The following TRIO variants were observed in gnomAD, a reference collection of about 807,000 sequenced individuals.
The protein encoded by TRIO is triple functional domain protein.
TRIO carries 58 observed loss-of-function variants against 351.9 expected under a neutral mutation model. The observed-to-expected ratio is 0.16, with a 90% CI of 0.13 to 0.21. The LOEUF (loss-of-function observed/expected upper bound fraction) is 0.21, where lower values mean the gene tolerates loss of function less well. Among genes scored for constraint, TRIO ranks in the 10% least tolerant of loss-of-function variants. The pLI is 1.00. For synonymous variants in TRIO, 1,758 were observed against 1,595.7 expected (o/e 1.10, Z -2.42); for missense variants, 3,201 against 4,027.8 (o/e 0.79, Z 5.56).
At position 14,508,210 on chromosome 5, in the gene TRIO, T is replaced by G; in HGVS notation, c.9082T>G (p.Cys3028Gly). ...GVSQKAKEFVCFLLQEDPAKR... is the reference protein window; with the variant it reads ...GVSQKAKEFVGFLLQEDPAKR... ...GAGCCAGAAGGCCAAGGAGTTCGTG[T>G]GCTTCCTCCTGCAGGAGGACCCCGC... Residue 3028 changes from cysteine (C) to glycine (G), a missense_variant, in exon 57 of 57, where the codon TGC becomes GGC. By Grantham distance (159) the Cys-to-Gly change is radical. Transcript: ENST00000344204. 1 of 1,614,094 alleles carries G rather than the reference T, an allele frequency of 6.2e-7. No individual in the cohort carries two copies. The highest frequency in any genetic ancestry group is 8.5e-7 in the Non-Finnish European group (1 of 1,180,026).
At chr5:14,493,624 T>C (rs1756658975) in intron 49 of TRIO, among the ~76,000 whole-genome samples, 3 of 152,100 alleles carry the variant, frequency 2.0e-5, no homozygotes, top group African/African-American at 7.2e-5. Flanking sequence ...CACAACAATA[T>C]CGAAATTAGA....
rs554619292 is a variant in TRIO at position 14,496,993 on chromosome 5, A to G, written c.7995A>G (p.Gly2665=). The G allele has an allele frequency of 4.1e-5, 66 of 1,614,226 alleles. 1 individual carries two copies. In the South Asian group the frequency reaches 6.8e-4, roughly 17 times the overall value. ...ACGGTTATCGGAAGTCACGGGAAGG[A>G]CTCAGCAACAAGGTATCTGTGAAGG... ...LENGYRKSRE[G]LSNKVSVKLL... Residue 2665 remains glycine, a synonymous_variant, in exon 50 of 57, where the codon GGA becomes GGG. Transcript: ENST00000344204.
chr5:14,405,265 C>T (rs1748601483), intron 31 of TRIO, among the ~76,000 whole-genome samples: 1 of 152,170 alleles, frequency 6.6e-6, no homozygotes, highest in Non-Finnish European at 1.5e-5. Flanking sequence ...GGGCACATTT[C>T]TTCTGTCCAC....
At chr5:14,459,546 T>G (rs1323589731) in intron 34 of TRIO, among the ~76,000 whole-genome samples, 1 of 152,196 alleles carries the variant, frequency 6.6e-6, no homozygotes, top group Non-Finnish European at 1.5e-5. Context: ...ATGGATTGGC[T>G]GAGTGTCTGC....
chr5:14,256,858 A>G (rs1795047472), intron 1 of TRIO, among the ~76,000 whole-genome samples: 1 of 152,192 alleles, frequency 6.6e-6, no homozygotes, highest in African/African-American at 2.4e-5. Flanking sequence ...TGGCTTTTGC[A>G]AGAATAAAGA....
chr5:14,284,565 C>T (rs898532043), intron 3 of TRIO, among the ~76,000 whole-genome samples: 2 of 152,160 alleles, frequency 1.3e-5, no homozygotes, highest in African/African-American at 4.8e-5. Context: ...GCAAGCTCAG[C>T]GTAGCTTTTG....
At chr5:14,224,004 T>C (rs893231250) in intron 1 of TRIO, among the ~76,000 whole-genome samples, 4 of 152,126 alleles carry the variant, frequency 2.6e-5, no homozygotes, top group African/African-American at 9.7e-5. Context: ...GGCCTGAAAA[T>C]AGTATTAATA....
chr5:14,408,325 T>A (rs1046359354), intron 33 of TRIO, among the ~76,000 whole-genome samples: 1 of 152,210 alleles, frequency 6.6e-6, no homozygotes, highest in Non-Finnish European at 1.5e-5. Context: ...TTTAAGTGAT[T>A]AGATTTTTTT....
intron 1 of TRIO, among the ~76,000 whole-genome samples, chr5:14,197,764 C>T (rs1344236994): frequency 6.6e-6 from 1 of 152,200 alleles, no homozygotes; most frequent in Non-Finnish European, 1.5e-5. Flanking sequence ...TCTTCAAGCC[C>T]TGATTCTCAC....
intron 33 of TRIO, among the ~76,000 whole-genome samples, chr5:14,418,255 C>T (rs1749810124): frequency 6.6e-6 from 1 of 152,002 alleles, no homozygotes; most frequent in South Asian, 2.1e-4. Context: ...CTGGGGGGGA[C>T]CTTTGCCTCC....
chr5:14,249,178 A>G (rs1225529713), intron 1 of TRIO, among the ~76,000 whole-genome samples: 1 of 152,264 alleles, frequency 6.6e-6, no homozygotes, highest in Non-Finnish European at 1.5e-5. Flanking sequence ...GAAATGTACA[A>G]GAGAAATAGA....
Position 14,498,074 on chromosome 5 carries a change from T to C in TRIO, c.8048-15T>C. ...CCAGGGCTGATGGGCCTTTACCGAC[T>C]CCTTTCCCATGCAGTTCCCCCAGAA... On this transcript the variant is annotated splice_polypyrimidine_tract_variant and intron_variant, in intron 51 of 56. Coordinates refer to ENST00000344204, the MANE Select transcript of TRIO (RefSeq NM_007118.4). 2 of 1,614,090 alleles carry C rather than the reference T, an allele frequency of 1.2e-6. No individual in the cohort carries two copies. Among genetic ancestry groups the C allele is most frequent in the Non-Finnish European group, 1.7e-6 (2 of 1,180,004 alleles).
rs2278693 is a variant in TRIO at position 14,461,318 on chromosome 5, C to T, written c.5496+7C>T. 1.7e-4 allele frequency: 263 copies of T among 1,547,316 alleles called. 1 individual carries two copies. In the East Asian group the frequency reaches 6.0e-3, roughly 36 times the overall value. On this transcript the variant is annotated splice_region_variant and intron_variant, in intron 35 of 56. Coordinates refer to ENST00000344204, the MANE Select transcript of TRIO (RefSeq NM_007118.4). The stretch of plus-strand genomic sequence containing the variant: ...GGACGAGACGGTCGAGGAGGTGAGG[C>T]TCTGCCCGCTGGTTGGGGCCGGCGT...
At chr5:14,164,221 TA>T (rs1186532744) in intron 1 of TRIO, among the ~76,000 whole-genome samples, 2 of 152,202 alleles carry the variant, frequency 1.3e-5, no homozygotes, top group Non-Finnish European at 2.9e-5. Flanking sequence ...AAGTGCTAGG[TA>T]ATTATATCAG....
intron 4 of TRIO, among the ~76,000 whole-genome samples, chr5:14,288,407 G>A (rs772706345): frequency 6.6e-6 from 1 of 152,062 alleles, no homozygotes; most frequent in Admixed American, 6.5e-5. Context: ...GGTGGCTCAC[G>A]CCTGTAATCC....
chr5:14,285,881 G>A (rs1004272948), intron 3 of TRIO, among the ~76,000 whole-genome samples: 1 of 152,160 alleles, frequency 6.6e-6, no homozygotes, highest in African/African-American at 2.4e-5. Flanking sequence ...AGAGACCCCT[G>A]TGTAACAGTG....
chr5:14,145,601 C>T (rs1433980006), intron 1 of TRIO, among the ~76,000 whole-genome samples: 2 of 151,816 alleles, frequency 1.3e-5, no homozygotes, highest in Admixed American at 1.3e-4. Context: ...GAAGCTAAGT[C>T]TAGCTTTCTC....
At chr5:14,211,986 CAAAA>C (rs1240637478) in intron 1 of TRIO, among the ~76,000 whole-genome samples, 1 of 149,968 alleles carries the variant, frequency 6.7e-6, no homozygotes, top group South Asian at 2.1e-4. Context: ...AACAAACAAA[CAAAA>C]AAACCAGGCA....
rs1747348436 is a variant in TRIO, at chr5:14,394,063, C to T, written c.4244C>T (p.Ala1415Val). 6.2e-7 allele frequency: 1 copy of T among 1,612,940 alleles called. No homozygotes were observed. The highest frequency in any genetic ancestry group is 1.3e-5 in the African/African-American group (1 of 74,874). The change falls in exon 28 of 57, where the codon GCC becomes GTC. Residue 1415 changes from alanine (A) to valine (V), a missense_variant. Physicochemically the swap from Ala to Val is moderately conservative, Grantham distance 64. Around this residue, in one of 19 missense-constraint regions of TRIO, gnomAD observed 115 missense variants for 239.6 expected, o/e 0.48. Coordinates refer to ENST00000344204, the MANE Select transcript of TRIO (RefSeq NM_007118.4). Reference sequence around the variant, plus strand: ...GAGATACAGCAGCGACATGGATTAGCCAATTCCATTTCTTCCTACCTTATT... The same window carrying T: ...GAGATACAGCAGCGACATGGATTAGTCAATTCCATTTCTTCCTACCTTATT... ...FDEIQQRHGL[A>V]NSISSYLIKP...
Sources: gnomAD v4.1 joint callset for allele counts (sites outside exome capture counted in the v4.1 genomes callset) on GRCh38, gnomAD v4.1.1 for gene constraint, gnomAD v4.1.1 regional missense constraint, MANE v1.5 for transcripts, NCBI Gene and HGNC (gene_info 2026-07-23, HGNC 2026-07-21) for gene names.